The following ARAP1 variants were observed in gnomAD, a reference collection of about 807,000 sequenced individuals.
The protein encoded by ARAP1 is arf-GAP with Rho-GAP domain, ANK repeat and PH domain-containing protein 1.
In ARAP1, 76 loss-of-function variants were observed where a neutral mutation model predicts 172.2. The observed-to-expected ratio is 0.44, with a 90% CI of 0.37 to 0.53. The LOEUF (loss-of-function observed/expected upper bound fraction) is 0.53, where lower values mean the gene tolerates loss of function less well. ARAP1 is among the 20% of genes least tolerant of loss of function. The probability of loss-of-function intolerance (pLI) is 0.00; values close to 1 mark genes in which losing one functional copy is unlikely to be tolerated. For missense variants in ARAP1, 1,686 were observed against 1,977.5 expected (o/e 0.85, Z 2.80); for synonymous variants, 804 against 803.3 (o/e 1.00, Z -0.01).
chr11:72,710,607 G>A lies in ARAP1; in HGVS notation c.1214-20C>T, dbSNP rs774612997. On this transcript the variant is annotated intron_variant, in intron 9 of 34. Coordinates refer to ENST00000393609, the MANE Select transcript of ARAP1 (RefSeq NM_001040118.3). This position sits in a 1 kb window ranked among gnomAD's most constrained non-coding sequence, Gnocchi z 4.3. Reference sequence around the variant, plus strand: ...GCTCCACTGCAGGAGAAGGGTAGAGGAGTAAGCCCAAGGTTGCAGGGAGCC... The same window carrying A: ...GCTCCACTGCAGGAGAAGGGTAGAGAAGTAAGCCCAAGGTTGCAGGGAGCC... 9 of 1,589,810 alleles carry A rather than the reference G, an allele frequency of 5.7e-6. No individual in the cohort carries two copies. Among genetic ancestry groups the A allele is most frequent in the South Asian group, 5.5e-5 (5 of 90,238 alleles).
rs1176609965 is a variant in ARAP1, at chr11:72,704,090, G to A, written c.1992+62C>T. The A allele has an allele frequency of 3.1e-6, 5 of 1,601,278 alleles. No homozygotes were observed. The East Asian group carries it at 1.1e-4, about 36-fold the overall frequency. ...GATGAGATGGGTTAAGACAGCATGA[G>A]GAACAGGGCAGCAGAAAGACGGGGG... is the stretch of plus-strand genomic sequence containing the variant. On this transcript the variant is annotated intron_variant, in intron 14 of 34. Coordinates refer to ENST00000393609, the MANE Select transcript of ARAP1 (RefSeq NM_001040118.3).
At chr11:72,728,683 C>T (rs1458871717) in intron 2 of ARAP1, among the ~76,000 whole-genome samples, 2 of 152,110 alleles carry the variant, frequency 1.3e-5, no homozygotes, top group Non-Finnish European at 2.9e-5. Flanking sequence ...ATGAAAGACC[C>T]CATTTACAAA....
At chr11:72,740,247 T>G (rs1302538089) in intron 1 of ARAP1, among the ~76,000 whole-genome samples, 1 of 152,112 alleles carries the variant, frequency 6.6e-6, no homozygotes, top group African/African-American at 2.4e-5. Flanking sequence ...CAGGACCTTT[T>G]AACAACCTTC....
chr11:72,696,311 C>T (rs1456623934), intron 23 of ARAP1, among the ~76,000 whole-genome samples: 4 of 152,214 alleles, frequency 2.6e-5, no homozygotes, highest in Non-Finnish European at 5.9e-5. Context: ...AACACTTGTT[C>T]ACCCACCACT....
chr11:72,712,599 T>C (rs777672369), intron 5 of ARAP1, 31 bp from the exon 6 acceptor site: 5 of 1,608,700 alleles, frequency 3.1e-6, no homozygotes, highest in Non-Finnish European at 4.2e-6. Flanking sequence ...GCGTCATCCT[T>C]CCCTTCAAGC....
intron 3 of ARAP1, among the ~76,000 whole-genome samples, chr11:72,720,274 A>G (rs1857454273): frequency 6.6e-6 from 1 of 152,078 alleles, no homozygotes; most frequent in Non-Finnish European, 1.5e-5. Flanking sequence ...CTGGACTCTC[A>G]GGGGCCCGGG....
intron 18 of ARAP1, 79 bp from the exon 19 acceptor site, chr11:72,698,185 GCA>G (rs1399809155): frequency 7.0e-7 from 1 of 1,434,484 alleles, no homozygotes; most frequent in Non-Finnish European, 9.3e-7. Context: ...TGGCTTACAG[GCA>G]CATGCCCTCT....
At chr11:72,734,841 C>CAAA (rs58338853) in intron 1 of ARAP1, among the ~76,000 whole-genome samples, 17,339 of 103,472 alleles carry the variant, frequency 0.17, 1,232 homozygotes, top group African/African-American at 0.25. Flanking sequence ...AGACTGAGCA[C>CAAA]AAAAAAAAAA....
rs553325924 is a variant in ARAP1, at chr11:72,703,128, C to A, written c.1993-49G>T. 52 of 1,475,626 alleles carry A rather than the reference C, an allele frequency of 3.5e-5. No homozygotes were observed. In the African/African-American group the frequency reaches 6.3e-4, roughly 18 times the overall value. 91.4% of individuals were successfully genotyped at this position (1,475,626 alleles called of 1,614,324 possible). A position where few individuals can be genotyped will look rare whatever the true frequency, so the allele number is the denominator to read the frequency against. On this transcript the variant is annotated intron_variant, in intron 14 of 34. Transcript: ENST00000393609. ...AGCCCAAGAAGGAGTAGGGGGCCCA[C>A]AAGGAAAGGGGCTACGGGGGAGGAG... is the stretch of plus-strand genomic sequence containing the variant.
Position 72,697,604 on chromosome 11 carries a change from C to A in ARAP1, c.2783G>T (p.Arg928Leu). Residue 928 changes from arginine (R) to leucine (L), a missense_variant, in exon 20 of 35, where the codon CGA becomes CTA. Around this residue, in one of 5 missense-constraint regions of ARAP1, gnomAD observed 274 missense variants for 262.7 expected, o/e 1.04. Transcript: ENST00000393609. ...CAGGGAGGCCGTGGCTCACCTCCTT[C>A]GCTCCACCAGCACCAGCACCTGGTT... ...SENQVLVLVE[R>L]RRTLYIQGER... is the part of the protein sequence containing the mutation. The A allele has an allele frequency of 6.2e-7, 1 of 1,614,136 alleles. No individual in the cohort carries two copies. Among genetic ancestry groups the A allele is most frequent in the Non-Finnish European group, 8.5e-7 (1 of 1,179,974 alleles).
chr11:72,720,008 C>T (rs1028495904), intron 3 of ARAP1, among the ~76,000 whole-genome samples: 1 of 152,180 alleles, frequency 6.6e-6, no homozygotes, highest in African/African-American at 2.4e-5. Flanking sequence ...ATTCTGATCA[C>T]TCAATATGGT....
chr11:72,707,524 G>A (rs1424796825), intron 11 of ARAP1, 150 bp from the exon 12 acceptor site: 2 of 693,858 alleles, frequency 2.9e-6, no homozygotes, highest in South Asian at 2.1e-5. Flanking sequence ...GAAGGTAGGT[G>A]TGGACAAAGG....
chr11:72,689,960 G>A (rs1038024235), intron 30 of ARAP1, among the ~76,000 whole-genome samples: 1 of 152,194 alleles, frequency 6.6e-6, no homozygotes, highest in African/African-American at 2.4e-5. Context: ...CAATCGGCCT[G>A]CAAACTGGAA....
At position 72,710,732 on chromosome 11, in the gene ARAP1, G is replaced by A. The variant is rs896342596; in HGVS notation, c.1214-145C>T. 16 of 1,030,240 alleles carry A rather than the reference G, an allele frequency of 1.6e-5. No individual in the cohort carries two copies. Among genetic ancestry groups the A allele is most frequent in the Admixed American group, 8.3e-5 (3 of 36,100 alleles). 63.8% of individuals were successfully genotyped at this position (1,030,240 alleles called of 1,614,324 possible). Reference sequence around the variant, plus strand: ...TTTGCTTGACTTCTCTGACTTGAACGAGCTCAGGCTCCAATCCCAGCTATG... The same window carrying A: ...TTTGCTTGACTTCTCTGACTTGAACAAGCTCAGGCTCCAATCCCAGCTATG... On this transcript the variant is annotated intron_variant, in intron 9 of 34. Coordinates refer to ENST00000393609, the MANE Select transcript of ARAP1 (RefSeq NM_001040118.3). The surrounding 1 kb of genome is among the most constrained non-coding windows in gnomAD (Gnocchi z 4.3).
rs934052357 is a variant in ARAP1, at chr11:72,695,430, A to G, written c.3533T>C (p.Val1178Ala). ...TQHAGDFICT[V>A]YLEEKKAETE... ...CTCTGCCTTCTTCTCTTCCAGATACACTGTGCAGATGAAGTCACCGGCATG... is the reference window on the plus strand; with the variant it reads ...CTCTGCCTTCTTCTCTTCCAGATACGCTGTGCAGATGAAGTCACCGGCATG... The change falls in exon 26 of 35, where the codon GTG (valine) becomes GCG (alanine). Residue 1178 changes from valine (V) to alanine (A), a missense_variant. Physicochemically the swap from Val to Ala is moderately conservative, Grantham distance 64 (BLOSUM62 0). Around this residue, in one of 5 missense-constraint regions of ARAP1, gnomAD observed 379 missense variants for 500.1 expected, o/e 0.76. Coordinates refer to ENST00000393609, the MANE Select transcript of ARAP1 (RefSeq NM_001040118.3). This position sits in a 1 kb window ranked among gnomAD's most constrained non-coding sequence, Gnocchi z 4.4. 1.2e-5 allele frequency: 20 copies of G among 1,613,948 alleles called. No individual in the cohort carries two copies. The highest frequency in any genetic ancestry group is 1.6e-5 in the Non-Finnish European group (19 of 1,180,018).
At chr11:72,738,216 T>A (rs2135586354) in intron 1 of ARAP1, among the ~76,000 whole-genome samples, 1 of 152,214 alleles carries the variant, frequency 6.6e-6, no homozygotes, top group African/African-American at 2.4e-5. Flanking sequence ...ACAGGAGATG[T>A]CAGTGGGGTG....
In ARAP1 at chr11:72,699,591, C is replaced by A. The variant is rs776763458; in HGVS notation, c.2303-39G>T. 4 of 1,593,082 alleles carry A rather than the reference C, an allele frequency of 2.5e-6. No homozygotes were observed. Among genetic ancestry groups the A allele is most frequent in the Admixed American group, 3.5e-5 (2 of 57,196 alleles). ...GGGCAGGGGAGCCATCAGGGAGCCCCCCACCACCTGAAAACCACCTCTGCA... is the reference window on the plus strand; with the variant it reads ...GGGCAGGGGAGCCATCAGGGAGCCCACCACCACCTGAAAACCACCTCTGCA... On this transcript the variant is annotated intron_variant, in intron 16 of 34. Transcript: ENST00000393609. The surrounding 1 kb of genome is among the most constrained non-coding windows in gnomAD (Gnocchi z 4.2).
intron 3 of ARAP1, among the ~76,000 whole-genome samples, chr11:72,721,682 G>C (rs1437267322): frequency 6.6e-6 from 1 of 152,110 alleles, no homozygotes; most frequent in East Asian, 1.9e-4. Context: ...AAAAAGAGAA[G>C]AAGTGGGGAA....
Position 72,697,486 on chromosome 11 carries a change from C to A in ARAP1, c.2790G>T (p.Arg930Ser), listed in dbSNP as rs1398794677. The change falls in exon 21 of 35, where the codon AGG becomes AGT. Residue 930 changes from arginine to serine, a missense_variant and splice_region_variant. Transcript: ENST00000393609. ...GCCGCTCGCCCTGTATGTACAGTGT[C>A]CTGGGCCAGGGACAGTCAGTCACTG... Reference protein sequence around the residue: ...NQVLVLVERRRTLYIQGERRL... With the variant: ...NQVLVLVERRSTLYIQGERRL... 3.7e-6 allele frequency: 6 copies of A among 1,612,822 alleles called. No individual in the cohort carries two copies. The Admixed American group carries it at 6.7e-5, about 18-fold the overall frequency.
Sources: allele counts gnomAD v4.1 joint callset (sites outside exome capture counted in the v4.1 genomes callset), GRCh38; gene constraint gnomAD v4.1.1; regional missense constraint gnomAD v4.1.1; non-coding constraint Gnocchi (gnomAD v3.1); transcripts MANE v1.5; gene names NCBI Gene and HGNC (gene_info 2026-07-23, HGNC 2026-07-21).